The following PTPN4 variants were observed in gnomAD, a reference collection of about 807,000 sequenced individuals.
The protein encoded by PTPN4 is protein tyrosine phosphatase non-receptor type 4.
In PTPN4, 49 loss-of-function variants were observed where a neutral mutation model predicts 135.5. The ratio of observed to expected loss-of-function variants is 0.36; its 90% CI spans 0.29 to 0.46. The LOEUF is 0.46. Ranked by LOEUF, PTPN4 falls within the 20% of genes least tolerant of loss-of-function variation. The probability of loss-of-function intolerance (pLI) is 1.00; values close to 1 mark genes in which losing one functional copy is unlikely to be tolerated. For missense variants in PTPN4, 860 were observed against 1,101.0 expected, an observed-to-expected ratio of 0.78 and a Z score of 3.10; for synonymous variants, 333 against 369.9, an observed-to-expected ratio of 0.90 and a Z score of 1.14.
chr2:119,971,311 A>G (rs1424134792), intron 26 of PTPN4, among the ~76,000 whole-genome samples: 1 of 152,182 alleles, frequency 6.6e-6, no homozygotes, highest in Non-Finnish European at 1.5e-5. Context: ...GAGAACAGAA[A>G]GGGGGAGGTC....
intron 1 of PTPN4, among the ~76,000 whole-genome samples, chr2:119,772,499 C>G (rs1441964287): frequency 1.3e-5 from 2 of 152,200 alleles, no homozygotes; most frequent in African/African-American, 4.8e-5. Context: ...ATTTATTCCA[C>G]TTACAGTGTA....
At chr2:119,862,497 T>G (rs369026455) in intron 2 of PTPN4, 39 bp from the exon 3 acceptor site, 4 of 1,539,628 alleles carry the variant, frequency 2.6e-6, no homozygotes, top group Non-Finnish European at 3.6e-6. Context: ...ATGTAACCTA[T>G]CAAAGTTGAT....
chr2:119,952,355 A>G (rs1466446248), intron 19 of PTPN4, among the ~76,000 whole-genome samples: 1 of 151,934 alleles, frequency 6.6e-6, no homozygotes, highest in Non-Finnish European at 1.5e-5. Context: ...GCTTTCTTGC[A>G]GTTACTCAGA....
chr2:119,866,297 G>A (rs1192059812), intron 3 of PTPN4, among the ~76,000 whole-genome samples: 1 of 152,010 alleles, frequency 6.6e-6, no homozygotes, highest in Non-Finnish European at 1.5e-5. Context: ...GTAGGATAGA[G>A]GGTAGATTAT....
At chr2:119,845,114 A>T (rs1472158911) in intron 2 of PTPN4, among the ~76,000 whole-genome samples, 1 of 147,064 alleles carries the variant, frequency 6.8e-6, no homozygotes, top group Non-Finnish European at 1.5e-5. Flanking sequence ...TGGCGGCGCG[A>T]GCCTGCAATC....
At chr2:119,761,500 G>T (rs534067416) in intron 1 of PTPN4, among the ~76,000 whole-genome samples, 2 of 152,258 alleles carry the variant, frequency 1.3e-5, no homozygotes, top group African/African-American at 4.8e-5. Context: ...GAAAAAACTC[G>T]TAAGCAGAAG....
intron 2 of PTPN4, among the ~76,000 whole-genome samples, chr2:119,816,521 T>C (rs1241191333): frequency 6.6e-6 from 1 of 152,194 alleles, no homozygotes; most frequent in Non-Finnish European, 1.5e-5. Context: ...GGTTTCAGGG[T>C]GATTCAAGCA....
Position 119,919,453 on chromosome 2 carries a change from G to A in PTPN4, c.829-616G>A, listed in dbSNP as rs1678705209. Among the ~76,000 whole-genome samples, 4 of 152,240 alleles carry A rather than the reference G, an allele frequency of 2.6e-5. No homozygotes were observed. In the South Asian group the frequency reaches 8.3e-4, roughly 32 times the overall value. On this transcript the variant is annotated intron_variant, in intron 11 of 26. Coordinates refer to ENST00000263708, the MANE Select transcript of PTPN4 (RefSeq NM_002830.4). ...ATTTTGAAACAGAGTCATAGCTAAT[G>A]TTGAAAACAGATACATATTAAAAGT...
At chr2:119,851,096 T>C (rs1478525228) in intron 2 of PTPN4, among the ~76,000 whole-genome samples, 1 of 152,226 alleles carries the variant, frequency 6.6e-6, no homozygotes, top group Non-Finnish European at 1.5e-5. Flanking sequence ...TGGAGGAAGA[T>C]TGTGTAGAAT....
chr2:119,953,411 T>G lies in PTPN4; in HGVS notation c.1813+1282T>G, dbSNP rs1052953499. 2.6e-5 allele frequency among the ~76,000 whole-genome samples: 4 copies of G among 152,262 alleles called. No homozygotes were observed. In the East Asian group the frequency reaches 7.7e-4, roughly 29 times the overall value. ...CTTGTTCACAAATAGGCGTTTTCAT[T>G]TTATCTTCTCCACTTTGTGTTCTTT... On this transcript the variant is annotated intron_variant, in intron 19 of 26. Coordinates refer to ENST00000263708, the MANE Select transcript of PTPN4 (RefSeq NM_002830.4).
At chr2:119,802,624 A>G (rs1691397181) in intron 1 of PTPN4, among the ~76,000 whole-genome samples, 1 of 151,990 alleles carries the variant, frequency 6.6e-6, no homozygotes, top group Non-Finnish European at 1.5e-5. Context: ...GGTTTCTTGT[A>G]TTTTATTAAG....
intron 20 of PTPN4, 57 bp downstream of exon 20, chr2:119,955,380 A>C: frequency 7.4e-7 from 1 of 1,351,498 alleles, no homozygotes; most frequent in Non-Finnish European, 9.8e-7. Context: ...AACTAGTTTC[A>C]TAGTTTCTTA....
intron 13 of PTPN4, among the ~76,000 whole-genome samples, chr2:119,927,713 A>G (rs1321642777): frequency 6.6e-6 from 1 of 152,210 alleles, no homozygotes; most frequent in Non-Finnish European, 1.5e-5. Context: ...TTACTTTGAG[A>G]GGCTAAGTCT....
chr2:119,938,975 C>T (rs1679025145), intron 15 of PTPN4, among the ~76,000 whole-genome samples: 1 of 152,194 alleles, frequency 6.6e-6, no homozygotes, highest in Non-Finnish European at 1.5e-5. Context: ...AGGTTTAAAA[C>T]GTGGTTCCAC....
intron 15 of PTPN4, among the ~76,000 whole-genome samples, chr2:119,936,650 C>A (rs1205390618): frequency 6.6e-6 from 1 of 152,154 alleles, no homozygotes; most frequent in Middle Eastern, 3.2e-3. Context: ...TGTTTATAAA[C>A]TACCCAGTCT....
At chr2:119,864,095 G>C (rs1677798137) in intron 3 of PTPN4, among the ~76,000 whole-genome samples, 1 of 152,118 alleles carries the variant, frequency 6.6e-6, no homozygotes, top group Non-Finnish European at 1.5e-5. Flanking sequence ...GAATAAAGAG[G>C]ATCACTCAGG....
At chr2:119,787,973 G>C (rs775446068) in intron 1 of PTPN4, among the ~76,000 whole-genome samples, 5 of 152,006 alleles carry the variant, frequency 3.3e-5, no homozygotes, top group Non-Finnish European at 7.4e-5. Context: ...CTAGGAGTAG[G>C]GCAGTGCATT....
intron 10 of PTPN4, among the ~76,000 whole-genome samples, chr2:119,902,598 C>T (rs1226883894): frequency 6.6e-6 from 1 of 152,090 alleles, no homozygotes; most frequent in East Asian, 1.9e-4. Flanking sequence ...ATGAATAGGA[C>T]ATTTAAAAGA....
intron 15 of PTPN4, among the ~76,000 whole-genome samples, chr2:119,940,767 G>T (rs950307189): frequency 1.3e-5 from 2 of 152,086 alleles, no homozygotes; most frequent in Non-Finnish European, 2.9e-5. Context: ...TAGTCTATTG[G>T]AATAAATTTT....
Sources: gnomAD v4.1 joint callset for allele counts (sites outside exome capture counted in the v4.1 genomes callset) on GRCh38, gnomAD v4.1.1 for gene constraint, MANE v1.5 for transcripts, NCBI Gene and HGNC (gene_info 2026-07-23, HGNC 2026-07-21) for gene names.